SCAMP1: variants seen among roughly 807,000 people sequenced by gnomAD.
The protein encoded by SCAMP1 is secretory carrier membrane protein 1.
In SCAMP1, 15 loss-of-function variants were observed where a neutral mutation model predicts 41.8. That is an observed-to-expected ratio of 0.36 (90% CI 0.24 to 0.55). The LOEUF (loss-of-function observed/expected upper bound fraction) is 0.55. SCAMP1 is among the 20% of genes least tolerant of loss of function. SCAMP1 has a pLI of 0.86. For synonymous variants in SCAMP1, 135 were observed against 136.8 expected (o/e 0.99, Z 0.09); for missense variants, 341 against 412.6 (o/e 0.83, Z 1.50).
At chr5:78,374,764 T>A in intron 1 of SCAMP1, among the ~76,000 whole-genome samples, 1 of 152,126 alleles carries the variant, frequency 6.6e-6, no homozygotes. Flanking sequence ...AAGTTTCTAA[T>A]TTACTAAGGA....
At chr5:78,456,600 C>T (rs893000171) in intron 7 of SCAMP1, among the ~76,000 whole-genome samples, 2 of 150,520 alleles carry the variant, frequency 1.3e-5, no homozygotes, top group African/African-American at 4.9e-5. Context: ...CGACCTTTCT[C>T]TCTGGCTGCC....
At chr5:78,446,688 C>T (rs1273786564) in intron 6 of SCAMP1, among the ~76,000 whole-genome samples, 1 of 151,974 alleles carries the variant, frequency 6.6e-6, no homozygotes, top group Non-Finnish European at 1.5e-5. Context: ...ATAAAAATAG[C>T]ATTTTATATT....
intron 6 of SCAMP1, among the ~76,000 whole-genome samples, chr5:78,437,907 A>G (rs1015900892): frequency 3.9e-5 from 6 of 152,286 alleles, no homozygotes; most frequent in Middle Eastern, 3.4e-3. Context: ...TTATTGGTCT[A>G]TTCAGAGATT....
chr5:78,440,787 G>A (rs181504282), intron 6 of SCAMP1, among the ~76,000 whole-genome samples: 2,972 of 152,304 alleles, frequency 0.02, 110 homozygotes, highest in African/African-American at 0.066. Flanking sequence ...CTTTTGTTCA[G>A]CTATGCCCTG....
At chr5:78,372,269 G>C (rs1441139747) in intron 1 of SCAMP1, among the ~76,000 whole-genome samples, 3 of 152,204 alleles carry the variant, frequency 2.0e-5, no homozygotes, top group Non-Finnish European at 4.4e-5. Context: ...AATGGGAAAA[G>C]AGCATCAGGA....
intron 2 of SCAMP1, among the ~76,000 whole-genome samples, chr5:78,410,928 C>T (rs1461743299): frequency 6.6e-6 from 1 of 151,838 alleles, no homozygotes; most frequent in Non-Finnish European, 1.5e-5. Context: ...ATATGTTGGC[C>T]CCATGAATGT....
At chr5:78,474,604 C>T (rs2112259634) in intron 8 of SCAMP1, among the ~76,000 whole-genome samples, 1 of 152,242 alleles carries the variant, frequency 6.6e-6, no homozygotes, top group African/African-American at 2.4e-5. Flanking sequence ...AAAATACTGA[C>T]TTGGATGCAT....
intron 6 of SCAMP1, among the ~76,000 whole-genome samples, chr5:78,427,726 C>T (rs972845984): frequency 2.6e-5 from 4 of 152,018 alleles, no homozygotes; most frequent in Admixed American, 1.3e-4. Context: ...TGATTATTGC[C>T]ATTTTAGTGG....
At chr5:78,424,574 AC>A (rs1442479031) in intron 6 of SCAMP1, among the ~76,000 whole-genome samples, 3 of 152,162 alleles carry the variant, frequency 2.0e-5, no homozygotes, top group African/African-American at 7.2e-5. Context: ...TACTAAAAAT[AC>A]AAAAAATTAG....
intron 6 of SCAMP1, among the ~76,000 whole-genome samples, chr5:78,438,890 G>C (rs149711105): frequency 0.011 from 1,614 of 152,268 alleles, 37 homozygotes; most frequent in African/African-American, 0.037. Context: ...TTATGAATCT[G>C]GGTGCTCCTG....
At position 78,475,760 on chromosome 5, in the gene SCAMP1, T is replaced by C; in HGVS notation, c.*92T>C. 1 of 983,626 alleles carries C rather than the reference T, an allele frequency of 1.0e-6. No individual in the cohort carries two copies. Among genetic ancestry groups the C allele is most frequent in the East Asian group, 3.0e-5 (1 of 33,454 alleles). The allele number at this position is 983,626 out of a possible 1,614,324, so 60.9% of individuals were successfully genotyped here. A position where few individuals can be genotyped will look rare whatever the true frequency, so the allele number is the denominator to read the frequency against. Reference sequence around the variant, plus strand: ...ATATTTTTATGTTCAAAACACACAGTACAGACAGCATGGATATTTCCTGTT... The same window carrying C: ...ATATTTTTATGTTCAAAACACACAGCACAGACAGCATGGATATTTCCTGTT... On this transcript the variant is annotated 3_prime_UTR_variant, in exon 9 of 9. Coordinates refer to ENST00000621999, the MANE Select transcript of SCAMP1 (RefSeq NM_004866.6).
At chr5:78,441,289 T>C (rs1752917552) in intron 6 of SCAMP1, among the ~76,000 whole-genome samples, 1 of 152,212 alleles carries the variant, frequency 6.6e-6, no homozygotes, top group Non-Finnish European at 1.5e-5. Flanking sequence ...GTGTCGATCA[T>C]GCTGGGAGCT....
chr5:78,450,807 G>A (rs1265902912), intron 7 of SCAMP1, among the ~76,000 whole-genome samples: 1 of 152,214 alleles, frequency 6.6e-6, no homozygotes, highest in Non-Finnish European at 1.5e-5. Context: ...CATTTAATTA[G>A]AATGTGTTGA....
At chr5:78,366,906 G>A (rs1374665586) in intron 1 of SCAMP1, among the ~76,000 whole-genome samples, 2 of 136,950 alleles carry the variant, frequency 1.5e-5, no homozygotes, top group Non-Finnish European at 3.1e-5. Context: ...GGGTGACAGA[G>A]TGAGACCCTG....
intron 6 of SCAMP1, among the ~76,000 whole-genome samples, chr5:78,441,263 A>G (rs1580698123): frequency 6.6e-6 from 1 of 152,210 alleles, no homozygotes; most frequent in East Asian, 1.9e-4. Context: ...GGAAATGCAG[A>G]AATCATCTGT....
At chr5:78,426,016 A>G (rs565700283) in intron 6 of SCAMP1, among the ~76,000 whole-genome samples, 130 of 150,248 alleles carry the variant, frequency 8.7e-4, no homozygotes, top group African/African-American at 3.0e-3. Flanking sequence ...TCATTGTTCA[A>G]CTCCCACTTA....
At chr5:78,407,663 A>G (rs755462859) in intron 2 of SCAMP1, among the ~76,000 whole-genome samples, 14 of 148,530 alleles carry the variant, frequency 9.4e-5, no homozygotes, top group Non-Finnish European at 1.2e-4. Flanking sequence ...TCTTAATTGT[A>G]TGTTAGACCT....
chr5:78,365,388 T>C (rs1273242391), intron 1 of SCAMP1, among the ~76,000 whole-genome samples: 2 of 147,162 alleles, frequency 1.4e-5, no homozygotes, highest in African/African-American at 5.0e-5. Context: ...GCAGGAGAAT[T>C]GCTTGAACCT....
At chr5:78,461,535 A>G (rs753125145) in intron 8 of SCAMP1, among the ~76,000 whole-genome samples, 11 of 152,132 alleles carry the variant, frequency 7.2e-5, no homozygotes, top group Admixed American at 3.9e-4. Flanking sequence ...CTGTTTTTGT[A>G]CTGGTTACCA....
Sources: gnomAD v4.1 joint callset for allele counts (sites outside exome capture counted in the v4.1 genomes callset) on GRCh38, gnomAD v4.1.1 for gene constraint, MANE v1.5 for transcripts, NCBI Gene and HGNC (gene_info 2026-07-23, HGNC 2026-07-21) for gene names.